Variants in SMC5 observed in about 807,000 individuals in gnomAD.
The protein encoded by SMC5 is structural maintenance of chromosomes 5.
A neutral mutation model predicts 148.3 loss-of-function variants in SMC5; 88 were observed. That is an observed-to-expected ratio of 0.59 (90% CI 0.50 to 0.71). The LOEUF (loss-of-function observed/expected upper bound fraction) is 0.71, where lower values mean the gene tolerates loss of function less well. Among genes scored for constraint, SMC5 ranks in the 30% least tolerant of loss-of-function variants. SMC5 has a pLI of 0.00. For missense variants in SMC5, 1,142 were observed against 1,298.9 expected (o/e 0.88, Z 1.86); for synonymous variants, 421 against 432.8 (o/e 0.97, Z 0.34).
At chr9:70,324,273 C>A (rs1176568762) in intron 17 of SMC5, 130 bp downstream of exon 17, 3 of 884,664 alleles carry the variant, frequency 3.4e-6, no homozygotes. Context: ...TTTAATGCAT[C>A]ATGTTGATGA....
At chr9:70,261,272 A>G (rs1263855845) in intron 1 of SMC5, among the ~76,000 whole-genome samples, 1 of 152,158 alleles carries the variant, frequency 6.6e-6, no homozygotes, top group African/African-American at 2.4e-5. Context: ...ACAGGGAATG[A>G]CGTGTGTTCT....
chr9:70,262,872 A>G (rs552694731), intron 1 of SMC5, among the ~76,000 whole-genome samples: 11 of 152,200 alleles, frequency 7.2e-5, no homozygotes, highest in African/African-American at 2.6e-4. Flanking sequence ...CAATAAATAC[A>G]TCGTAGAATC....
Position 70,300,087 on chromosome 9 carries a change from C to T in SMC5, c.1351C>T (p.Gln451Ter). The T allele has an allele frequency of 6.3e-7, 1 of 1,596,892 alleles. No homozygotes were observed. Residue 451 changes from glutamine to a stop codon, truncating the protein, a stop_gained, in exon 10 of 25, where the codon CAG becomes TAG. Coordinates refer to ENST00000361138, the MANE Select transcript of SMC5 (RefSeq NM_015110.4). LOFTEE classifies it high-confidence loss of function. ...TGTACGTTTTGACAATCTTATGAAT[C>T]AGAAGGAAGATAAGCTAAGACAGAG... Reference protein sequence around the residue: ...HIVRFDNLMNQKEDKLRQRFR... With the variant: ...HIVRFDNLMN
At chr9:70,305,978 C>G (rs2035485178) in intron 11 of SMC5, among the ~76,000 whole-genome samples, 2 of 152,120 alleles carry the variant, frequency 1.3e-5, no homozygotes, top group Admixed American at 1.3e-4. Flanking sequence ...GTAACATTAT[C>G]TACTTCAAAA....
rs1407096161 is a variant in SMC5, at chr9:70,303,488, T to C, written c.1465-1759T>C. Among the ~76,000 whole-genome samples the C allele has an allele frequency of 2.6e-5, 4 of 152,222 alleles. No individual in the cohort carries two copies. The East Asian group carries it at 7.7e-4, about 29-fold the overall frequency. Reference sequence around the variant, plus strand: ...ATAGGCTGATTGTTCATAGCGTTTATGCCTGGATGATGGTTTTCATGTGGT... The same window carrying C: ...ATAGGCTGATTGTTCATAGCGTTTACGCCTGGATGATGGTTTTCATGTGGT... On this transcript the variant is annotated intron_variant, in intron 10 of 24. Transcript: ENST00000361138.
chr9:70,285,252 G>A (rs1341869897), intron 7 of SMC5, among the ~76,000 whole-genome samples: 4 of 152,098 alleles, frequency 2.6e-5, no homozygotes, highest in South Asian at 4.2e-4. Flanking sequence ...AGTCAGGAAA[G>A]GGAAAATGCC....
chr9:70,309,349 T>TTTTTTTTTTTTTTTG (rs71364591), intron 11 of SMC5, among the ~76,000 whole-genome samples: 1 of 112,682 alleles, frequency 8.9e-6, no homozygotes, highest in African/African-American at 3.9e-5. Flanking sequence ...TTTTTTTTTT[T>TTTTTTTTTTTTTTTG]GGGGACAGGG....
At chr9:70,280,386 A>G (rs2034716368) in intron 5 of SMC5, among the ~76,000 whole-genome samples, 1 of 152,206 alleles carries the variant, frequency 6.6e-6, no homozygotes, top group Admixed American at 6.5e-5. Flanking sequence ...TTTCATTTGT[A>G]TATCACTTTT....
chr9:70,332,913 G>C (rs1587704532), intron 17 of SMC5, among the ~76,000 whole-genome samples: 1 of 151,814 alleles, frequency 6.6e-6, no homozygotes, highest in Non-Finnish European at 1.5e-5. Flanking sequence ...CTTGCAACTG[G>C]GAATCGAAGG....
At chr9:70,301,921 C>T (rs919298193) in intron 10 of SMC5, among the ~76,000 whole-genome samples, 8 of 152,162 alleles carry the variant, frequency 5.3e-5, no homozygotes, top group Non-Finnish European at 8.8e-5. Context: ...CAGAGTGCTG[C>T]GTCTCCTATA....
chr9:70,264,527 T>C, intron 2 of SMC5, 82 bp downstream of exon 2: 1 of 1,430,832 alleles, frequency 7.0e-7, no homozygotes, highest in Non-Finnish European at 9.6e-7. Context: ...CCTCAGTTCC[T>C]TGGGTATAGC....
rs59694037 is a variant in SMC5 at position 70,309,318 on chromosome 9, C to CTTTTTTTTTTTTTTTTTTT, written c.1578+3971_1578+3989dup. 1.1e-4 allele frequency among the ~76,000 whole-genome samples: 9 copies of CTTTTTTTTTTTTTTTTTTT among 79,160 alleles called. 1 individual carries two copies. Among genetic ancestry groups the CTTTTTTTTTTTTTTTTTTT allele is most frequent in the Non-Finnish European group, 1.2e-4 (5 of 42,812 alleles). The allele number at this position is 79,160 out of a possible 152,430, so 51.9% of individuals were successfully genotyped here. On this transcript the variant is annotated intron_variant, in intron 11 of 24. Coordinates refer to ENST00000361138, the MANE Select transcript of SMC5 (RefSeq NM_015110.4). Reference sequence around the variant, plus strand: ...ATAGCAGAATTTCTTTTTCCTTTTCCTTTTTTTTTTTTTTTTTTTTTTTTT... The same window carrying CTTTTTTTTTTTTTTTTTTT: ...ATAGCAGAATTTCTTTTTCCTTTTCCTTTTTTTTTTTTTTTTTTTTTTTTTTTTTTTTTTTTTTTTTTTT...
intron 6 of SMC5, among the ~76,000 whole-genome samples, chr9:70,282,037 T>C (rs2034764148): frequency 7.1e-6 from 1 of 140,518 alleles, no homozygotes. Flanking sequence ...CATTTTCATT[T>C]TGTTTTTTTT....
chr9:70,259,664 C>T (rs1330353318), intron 1 of SMC5, among the ~76,000 whole-genome samples: 1 of 152,034 alleles, frequency 6.6e-6, no homozygotes, highest in Non-Finnish European at 1.5e-5. Context: ...GATGCTGTGG[C>T]GGATTCTTAG....
chr9:70,261,443 C>T (rs1309448836), intron 1 of SMC5, among the ~76,000 whole-genome samples: 2 of 152,196 alleles, frequency 1.3e-5, no homozygotes, highest in Non-Finnish European at 2.9e-5. Flanking sequence ...GGGAGGAATG[C>T]AGCATTTTTC....
intron 13 of SMC5, among the ~76,000 whole-genome samples, chr9:70,317,273 C>T (rs754777687): frequency 1.3e-5 from 2 of 151,996 alleles, no homozygotes; most frequent in East Asian, 3.9e-4. Context: ...ATTATTAACT[C>T]TTAACATTTT....
chr9:70,347,395 A>T (rs2036691441), intron 20 of SMC5, among the ~76,000 whole-genome samples: 1 of 152,220 alleles, frequency 6.6e-6, no homozygotes, highest in Non-Finnish European at 1.5e-5. Context: ...CCTTTTCTTT[A>T]TAAAAAGAAT....
At chr9:70,286,863 C>G (rs965559169) in intron 8 of SMC5, 9 of 152,000 alleles carry the variant, frequency 5.9e-5, no homozygotes, top group Admixed American at 2.6e-4. Context: ...ACCACAGGTG[C>G]ATGCGACCAC....
chr9:70,335,171 G>A (rs973631158), intron 17 of SMC5, among the ~76,000 whole-genome samples: 1 of 152,158 alleles, frequency 6.6e-6, no homozygotes, highest in African/African-American at 2.4e-5. Context: ...ACACAAATGT[G>A]TAACAGCTGT....
Sources: gnomAD v4.1 joint callset for allele counts (sites outside exome capture counted in the v4.1 genomes callset) on GRCh38, gnomAD v4.1.1 for gene constraint, MANE v1.5 for transcripts, NCBI Gene and HGNC (gene_info 2026-07-23, HGNC 2026-07-21) for gene names.